Variants in HDAC9 observed in about 807,000 individuals in gnomAD.
HDAC9 encodes the protein MEF-2 interacting transcription repressor (MITR) protein.
In HDAC9, 41 loss-of-function variants were observed where a neutral mutation model predicts 139.4. The ratio of observed to expected loss-of-function variants is 0.29; its 90% CI spans 0.23 to 0.38. The LOEUF is 0.38. Ranked by LOEUF, HDAC9 falls within the 10% of genes least tolerant of loss-of-function variation. HDAC9 has a pLI of 1.00. For synonymous variants in HDAC9, 517 were observed against 476.2 expected, an observed-to-expected ratio of 1.09 and a Z score of -1.12; for missense variants, 1,147 against 1,297.0, an observed-to-expected ratio of 0.88 and a Z score of 1.78.
chr7:18,390,211 T>G (rs1296987461), intron 1 of HDAC9, among the ~76,000 whole-genome samples: 1 of 152,062 alleles, frequency 6.6e-6, no homozygotes, highest in African/African-American at 2.4e-5. Context: ...ATAGCTAGAT[T>G]TAAAAGTAAT....
At chr7:18,323,962 A>G (rs1452527799) in intron 1 of HDAC9, among the ~76,000 whole-genome samples, 2 of 150,496 alleles carry the variant, frequency 1.3e-5, no homozygotes, top group Non-Finnish European at 1.5e-5. Flanking sequence ...CTTTGTCCTC[A>G]TATGACTGAA....
chr7:18,231,918 CAT>C (rs1442040452), intron 2 of HDAC9, among the ~76,000 whole-genome samples: 4 of 152,042 alleles, frequency 2.6e-5, no homozygotes, highest in Non-Finnish European at 4.4e-5. Flanking sequence ...CTGATGAAAA[CAT>C]GTGAAATCAT....
chr7:18,372,488 A>G (rs1236483558), intron 1 of HDAC9, among the ~76,000 whole-genome samples: 1 of 152,238 alleles, frequency 6.6e-6, no homozygotes, highest in Non-Finnish European at 1.5e-5. Flanking sequence ...ACCACGTCAG[A>G]TGTTAAATGA....
intron 11 of HDAC9, among the ~76,000 whole-genome samples, chr7:18,657,729 C>T (rs1791677125): frequency 6.6e-6 from 1 of 152,154 alleles, no homozygotes; most frequent in South Asian, 2.1e-4. Flanking sequence ...TCTACTTTTG[C>T]TCCCTAAATC....
intron 1 of HDAC9, among the ~76,000 whole-genome samples, chr7:18,474,611 C>T (rs1371335534): frequency 2.0e-5 from 3 of 152,146 alleles, no homozygotes; most frequent in Non-Finnish European, 4.4e-5. Context: ...GCATTTAAAG[C>T]ATGTTTGAAA....
chr7:18,719,728 TTA>T (rs1246969099), intron 12 of HDAC9, among the ~76,000 whole-genome samples: 2 of 152,152 alleles, frequency 1.3e-5, no homozygotes, highest in African/African-American at 4.8e-5. Context: ...TCTGAGAATA[TTA>T]TAGTTTTAGA....
At chr7:18,438,373 A>G (rs576522730) in intron 1 of HDAC9, among the ~76,000 whole-genome samples, 4 of 152,262 alleles carry the variant, frequency 2.6e-5, no homozygotes, top group African/African-American at 9.6e-5. Flanking sequence ...CTGATATACT[A>G]TTAGAAAAGT....
chr7:18,807,234 G>A (rs1163531485), intron 17 of HDAC9, among the ~76,000 whole-genome samples: 1 of 151,948 alleles, frequency 6.6e-6, no homozygotes, highest in Admixed American at 6.6e-5. Context: ...CCAATTTGTT[G>A]GCATATAGTT....
chr7:18,711,877 G>A (rs752164501), intron 12 of HDAC9, among the ~76,000 whole-genome samples: 4 of 151,942 alleles, frequency 2.6e-5, no homozygotes, highest in African/African-American at 7.3e-5. Context: ...CACTTTGTTC[G>A]GGGCTGTCCA....
intron 14 of HDAC9, among the ~76,000 whole-genome samples, chr7:18,752,172 CAT>C (rs768160935): frequency 2.0e-5 from 3 of 152,082 alleles, no homozygotes; most frequent in Non-Finnish European, 4.4e-5. Context: ...CAATTTGCCA[CAT>C]GTCTTAAGAA....
intron 11 of HDAC9, among the ~76,000 whole-genome samples, chr7:18,649,970 T>C: frequency 6.6e-6 from 1 of 152,190 alleles, no homozygotes. Context: ...AGATAATGCC[T>C]ATTTTATTGC....
At chr7:18,545,323 C>G (rs1326654065) in intron 2 of HDAC9, among the ~76,000 whole-genome samples, 1 of 151,264 alleles carries the variant, frequency 6.6e-6, no homozygotes, top group African/African-American at 2.4e-5. Flanking sequence ...TTGGAAGTTG[C>G]TGTGATAAGA....
At chr7:18,123,891 A>T (rs139975427) in intron 1 of HDAC9, among the ~76,000 whole-genome samples, 1 of 152,250 alleles carries the variant, frequency 6.6e-6, no homozygotes, top group African/African-American at 2.4e-5. Context: ...TTATAACCTT[A>T]TAGTTGGAAG....
At chr7:18,150,494 C>T (rs1362284683) in intron 1 of HDAC9, among the ~76,000 whole-genome samples, 1 of 152,162 alleles carries the variant, frequency 6.6e-6, no homozygotes, top group African/African-American at 2.4e-5. Flanking sequence ...CTCTGCCTTA[C>T]CTTGAAAAGC....
intron 1 of HDAC9, among the ~76,000 whole-genome samples, chr7:18,368,458 T>C (rs1252070479): frequency 6.6e-6 from 1 of 152,084 alleles, no homozygotes; most frequent in African/African-American, 2.4e-5. Flanking sequence ...TTTCTGTTTC[T>C]GAACTCTGTT....
rs1585242699 is a variant in HDAC9 at position 18,338,233 on chromosome 7, C to A, written c.-42+47718C>A. On this transcript the variant is annotated intron_variant, in intron 1 of 3. Coordinates refer to the HDAC9 transcript ENST00000413509. ...AATTGAATATGCAGTAACAACTCAC[C>A]ATGTTGGCAATGTTGCAGTGGGTGG... 3.3e-5 allele frequency among the ~76,000 whole-genome samples: 5 copies of A among 151,608 alleles called. No homozygotes were observed. The South Asian group carries it at 1.0e-3, about 31-fold the overall frequency.
intron 1 of HDAC9, among the ~76,000 whole-genome samples, chr7:18,402,800 G>T (rs1033143300): frequency 6.6e-6 from 1 of 152,082 alleles, no homozygotes; most frequent in African/African-American, 2.4e-5. Flanking sequence ...TACTGGCTAG[G>T]CACCTCTTTT....
At chr7:18,608,948 A>G (rs73309445) in intron 6 of HDAC9, among the ~76,000 whole-genome samples, 7,767 of 152,244 alleles carry the variant, frequency 0.051, 670 homozygotes, top group African/African-American at 0.18. Context: ...TTCTTGAGTG[A>G]AAGCAAAGAT....
At chr7:18,246,931 A>G (rs1794581817) in intron 2 of HDAC9, among the ~76,000 whole-genome samples, 1 of 152,088 alleles carries the variant, frequency 6.6e-6, no homozygotes, top group Admixed American at 6.5e-5. Flanking sequence ...TAGGACCAAG[A>G]GAATTTGCTG....
Sources: gnomAD v4.1 joint callset for allele counts (sites outside exome capture counted in the v4.1 genomes callset) on GRCh38, gnomAD v4.1.1 for gene constraint, MANE v1.5 for transcripts, NCBI Gene and HGNC (gene_info 2026-07-23, HGNC 2026-07-21) for gene names.